XKR3: variants seen among roughly 807,000 people sequenced by gnomAD.
The protein encoded by XKR3 is XK related 3.
Under a neutral mutation model 40.3 loss-of-function variants are expected in XKR3, and 27 were observed. The observed-to-expected ratio is 0.67, with a 90% CI of 0.49 to 0.92. The LOEUF is 0.92. Ranked by LOEUF, XKR3 falls within the 40% of genes least tolerant of loss-of-function variation. XKR3 has a pLI of 0.00. For synonymous variants in XKR3, 193 were observed against 195.4 expected (o/e 0.99, Z 0.10); for missense variants, 472 against 537.6 (o/e 0.88, Z 1.21).
chr22:16,811,078 T>C (rs1349932575), intron 1 of XKR3, among the ~76,000 whole-genome samples: 3 of 152,112 alleles, frequency 2.0e-5, no homozygotes, highest in African/African-American at 7.2e-5. Context: ...CGTGATATAT[T>C]TTCAGTTCAC....
intron 3 of XKR3, among the ~76,000 whole-genome samples, chr22:16,794,608 AAG>A (rs2060133081): frequency 7.2e-5 from 11 of 152,186 alleles, no homozygotes; most frequent in African/African-American, 2.7e-4. Flanking sequence ...GCTCTCACAA[AAG>A]CACACTTAAG....
At chr22:16,819,802 C>A (rs1355706606) in intron 1 of XKR3, among the ~76,000 whole-genome samples, 2 of 152,074 alleles carry the variant, frequency 1.3e-5, no homozygotes, top group Non-Finnish European at 2.9e-5. Flanking sequence ...TGTGAAATAA[C>A]TTATGAAGAG....
At position 16,799,849 on chromosome 22, in the gene XKR3, C is replaced by G; in HGVS notation, c.511G>C (p.Ala171Pro). The G allele has an allele frequency of 6.2e-7, 1 of 1,614,124 alleles. No individual in the cohort carries two copies. Among genetic ancestry groups the G allele is most frequent in the African/African-American group, 1.3e-5 (1 of 75,044 alleles). Reference sequence around the variant, plus strand: ...AATTGTGGAACAGAACCGAGAAAAGCCTGAATCACTGACATGTACTTGAAA... The same window carrying G: ...AATTGTGGAACAGAACCGAGAAAAGGCTGAATCACTGACATGTACTTGAAA... The part of the protein sequence containing the change: ...KAFKYMSVIQ[A>P]FLGSVPQLIL... The change falls in exon 3 of 4, where the codon GCT becomes CCT. Residue 171 changes from alanine to proline, a missense_variant. By Grantham distance (27) the Ala-to-Pro change is conservative. Coordinates refer to ENST00000684488, the MANE Select transcript of XKR3 (RefSeq NM_001386955.1).
At chr22:16,816,449 T>A (rs551827278) in intron 1 of XKR3, among the ~76,000 whole-genome samples, 1 of 151,862 alleles carries the variant, frequency 6.6e-6, no homozygotes, top group African/African-American at 2.4e-5. Context: ...CTGTAGCTAA[T>A]CAAAAGGGCC....
intron 3 of XKR3, among the ~76,000 whole-genome samples, chr22:16,795,176 T>C (rs370341074): frequency 0.015 from 2,246 of 152,194 alleles, 53 homozygotes; most frequent in African/African-American, 0.051. Flanking sequence ...CTCATTAAAT[T>C]CAAAAGAAAC....
intron 1 of XKR3, among the ~76,000 whole-genome samples, chr22:16,823,776 T>A (rs1331582500): frequency 6.7e-6 from 1 of 149,992 alleles, no homozygotes; most frequent in South Asian, 2.1e-4. Flanking sequence ...ATTCAAAATA[T>A]GAAACTTTAG....
chr22:16,810,934 C>T (rs1318974845), intron 1 of XKR3, among the ~76,000 whole-genome samples: 1 of 152,144 alleles, frequency 6.6e-6, no homozygotes, highest in African/African-American at 2.4e-5. Context: ...CCTGCATATA[C>T]ATGAACCCAC....
At chr22:16,806,278 A>G (rs1163348605) in intron 2 of XKR3, among the ~76,000 whole-genome samples, 3 of 135,670 alleles carry the variant, frequency 2.2e-5, no homozygotes, top group Non-Finnish European at 3.1e-5. Context: ...AAAAGAAAAA[A>G]GTCAATTAAT....
At chr22:16,787,085 A>G (rs2146139637) in intron 3 of XKR3, among the ~76,000 whole-genome samples, 1 of 152,318 alleles carries the variant, frequency 6.6e-6, no homozygotes, top group South Asian at 2.1e-4. Context: ...AAAAAAGTTG[A>G]AGATAAAAAC....
intron 1 of XKR3, among the ~76,000 whole-genome samples, chr22:16,811,595 T>C (rs2060212746): frequency 6.6e-6 from 1 of 152,258 alleles, no homozygotes; most frequent in Non-Finnish European, 1.5e-5. Flanking sequence ...CTTATATGTA[T>C]GTATAACATG....
Position 16,799,413 on chromosome 22 carries a change from C to CAAAAAAAAAAAAAAAAAAAAAAAAAAAAA in XKR3, c.589+357_589+358insTTTTTTTTTTTTTTTTTTTTTTTTTTTTT, listed in dbSNP as rs528071823. 2.9e-3 allele frequency among the ~76,000 whole-genome samples: 94 copies of CAAAAAAAAAAAAAAAAAAAAAAAAAAAAA among 32,530 alleles called. 7 individuals carry two copies. Among genetic ancestry groups the CAAAAAAAAAAAAAAAAAAAAAAAAAAAAA allele is most frequent in the Admixed American group, 5.0e-3 (11 of 2,196 alleles). 21.3% of individuals were successfully genotyped at this position (32,530 alleles called of 152,430 possible). A position where few individuals can be genotyped will look rare whatever the true frequency, so the allele number is the denominator to read the frequency against. On this transcript the variant is annotated intron_variant, in intron 3 of 3. Coordinates refer to ENST00000684488, the MANE Select transcript of XKR3 (RefSeq NM_001386955.1). ...TGGGCGACAAAGTGAGACTATGTCT[C>CAAAAAAAAAAAAAAAAAAAAAAAAAAAAA]AAAAAAAAAAAAAAAAAAAAAGCAA...
chr22:16,808,177 A>G (rs2060198415), intron 1 of XKR3, 94 bp from the exon 2 acceptor site: 4 of 963,622 alleles, frequency 4.2e-6, no homozygotes, highest in Admixed American at 2.6e-5. Context: ...TTCACTATTC[A>G]TAGAAAATGT....
rs2060078177 is a variant in XKR3, at chr22:16,784,038, A to T, written c.961T>A (p.Cys321Ser). The T allele has an allele frequency of 6.2e-7, 1 of 1,614,248 alleles. No individual in the cohort carries two copies. The highest frequency in any genetic ancestry group is 1.3e-5 in the African/African-American group (1 of 75,062). ...TLLYAAINFSCWSAVKLQLSD... is the reference protein window; with the variant it reads ...TLLYAAINFSSWSAVKLQLSD... ...AACTGCAGTTTCACTGCTGACCAGCAGGAGAAGTTGATGGCAGCATATAGC... is the reference window on the plus strand; with the variant it reads ...AACTGCAGTTTCACTGCTGACCAGCTGGAGAAGTTGATGGCAGCATATAGC... The change falls in exon 4 of 4, where the codon TGC becomes AGC. Residue 321 changes from cysteine to serine, a missense_variant. Coordinates refer to ENST00000684488, the MANE Select transcript of XKR3 (RefSeq NM_001386955.1).
intron 2 of XKR3, among the ~76,000 whole-genome samples, chr22:16,805,682 G>T (rs190811905): frequency 6.6e-6 from 1 of 152,062 alleles, no homozygotes; most frequent in African/African-American, 2.4e-5. Context: ...TAATTAATAC[G>T]TTCTACTTAA....
intron 3 of XKR3, among the ~76,000 whole-genome samples, chr22:16,797,963 C>T (rs951682708): frequency 3.3e-5 from 5 of 151,710 alleles, no homozygotes; most frequent in African/African-American, 1.2e-4. Context: ...AACCTGAGGT[C>T]AGGAGTTCAA....
At chr22:16,798,771 G>C (rs1453386633) in intron 3 of XKR3, among the ~76,000 whole-genome samples, 1 of 152,160 alleles carries the variant, frequency 6.6e-6, no homozygotes, top group Non-Finnish European at 1.5e-5. Flanking sequence ...AAACCAAATA[G>C]ATTTATTACT....
intron 3 of XKR3, among the ~76,000 whole-genome samples, chr22:16,798,096 C>G (rs946615137): frequency 6.7e-6 from 1 of 149,742 alleles, no homozygotes; most frequent in Non-Finnish European, 1.5e-5. Context: ...AGGAGAATCA[C>G]TTGAATCTGG....
chr22:16,804,910 C>T (rs1199342003), intron 2 of XKR3, among the ~76,000 whole-genome samples: 2 of 152,216 alleles, frequency 1.3e-5, no homozygotes, highest in African/African-American at 4.8e-5. Context: ...GGAACAGTAT[C>T]ATAGCCCACG....
chr22:16,809,681 G>A (rs1183163410), intron 1 of XKR3, among the ~76,000 whole-genome samples: 4 of 152,062 alleles, frequency 2.6e-5, no homozygotes, highest in African/African-American at 7.2e-5. Flanking sequence ...TAACCAGTCA[G>A]GCTTTCATCC....
Sources: gnomAD v4.1 joint callset for allele counts (sites outside exome capture counted in the v4.1 genomes callset) on GRCh38, gnomAD v4.1.1 for gene constraint, MANE v1.5 for transcripts, NCBI Gene and HGNC (gene_info 2026-07-23, HGNC 2026-07-21) for gene names.